The following CEP162 variants were observed in gnomAD, a reference collection of about 807,000 sequenced individuals.
CEP162 encodes centrosomal protein of 162 kDa.
In CEP162, 141 loss-of-function variants were observed where a neutral mutation model predicts 169.2. That is an observed-to-expected ratio of 0.83 (90% CI 0.73 to 0.96). The LOEUF is 0.96. Ranked by LOEUF, CEP162 falls within the 40% of genes least tolerant of loss-of-function variation. CEP162 has a pLI of 0.00. For missense variants in CEP162, 1,600 were observed against 1,587.2 expected (o/e 1.01, Z -0.14); for synonymous variants, 540 against 526.4 (o/e 1.03, Z -0.35).
intron 20 of CEP162, among the ~76,000 whole-genome samples, chr6:84,161,212 A>G (rs139193667): frequency 5.1e-4 from 78 of 152,268 alleles, no homozygotes; most frequent in African/African-American, 1.8e-3. Flanking sequence ...AAAATGAAAT[A>G]ACTTCAGAGT....
intron 24 of CEP162, 105 bp from the exon 25 acceptor site, chr6:84,146,890 G>A (rs1249412571): frequency 4.1e-6 from 2 of 485,292 alleles, no homozygotes; most frequent in Non-Finnish European, 7.2e-6. Context: ...TATACTGTTG[G>A]TGGGAATGTA....
intron 25 of CEP162, among the ~76,000 whole-genome samples, chr6:84,138,404 A>G (rs2099515052): frequency 6.6e-6 from 1 of 152,206 alleles, no homozygotes; most frequent in Non-Finnish European, 1.5e-5. Flanking sequence ...GCTCACACAG[A>G]GGTGGGAATA....
intron 11 of CEP162, among the ~76,000 whole-genome samples, chr6:84,191,943 G>A (rs557663325): frequency 6.6e-6 from 1 of 152,290 alleles, no homozygotes; most frequent in South Asian, 2.1e-4. Context: ...TGAAACTTCT[G>A]TATTAAGGCA....
rs113736890 is a variant in CEP162 at position 84,220,635 on chromosome 6, T to C, written c.172+422A>G. Among the ~76,000 whole-genome samples the C allele has an allele frequency of 6.5e-3, 987 of 152,252 alleles. 7 individuals are homozygous for C. Among genetic ancestry groups the C allele is most frequent in the African/African-American group, 0.023 (938 of 41,546 alleles). On this transcript the variant is annotated intron_variant, in intron 3 of 26. Coordinates refer to ENST00000403245, the MANE Select transcript of CEP162 (RefSeq NM_014895.4). Reference sequence around the variant, plus strand: ...TATACATATATATGAGAGACATATATACATATGGCAGTAAATTTTTTTTTA... The same window carrying C: ...TATACATATATATGAGAGACATATACACATATGGCAGTAAATTTTTTTTTA...
intron 18 of CEP162, among the ~76,000 whole-genome samples, chr6:84,166,942 A>C (rs2099528080): frequency 6.6e-6 from 1 of 152,206 alleles, no homozygotes; most frequent in Non-Finnish European, 1.5e-5. Context: ...TATGTGCACA[A>C]AAAAATTCCC....
intron 25 of CEP162, among the ~76,000 whole-genome samples, chr6:84,137,420 C>T (rs146239654): frequency 1.2e-4 from 18 of 152,114 alleles, no homozygotes; most frequent in African/African-American, 2.4e-4. Context: ...AGAATATTTG[C>T]GACAAATTAC....
intron 21 of CEP162, among the ~76,000 whole-genome samples, chr6:84,156,765 C>CACACACACAA (rs1453100372): frequency 2.6e-5 from 4 of 152,050 alleles, no homozygotes; most frequent in African/African-American, 9.7e-5. Context: ...CACACACACA[C>CACACACACAA]ACACACAAAC....
At chr6:84,188,765 G>A (rs896617989) in intron 11 of CEP162, among the ~76,000 whole-genome samples, 4 of 152,202 alleles carry the variant, frequency 2.6e-5, no homozygotes, top group African/African-American at 7.2e-5. Flanking sequence ...TGAGATTGCC[G>A]GGTGAATAGT....
At chr6:84,156,765 C>CACACACACACAA (rs1453100372) in intron 21 of CEP162, among the ~76,000 whole-genome samples, 4 of 151,934 alleles carry the variant, frequency 2.6e-5, no homozygotes, top group African/African-American at 7.3e-5. Context: ...CACACACACA[C>CACACACACACAA]ACACACAAAC....
At chr6:84,211,975 C>T (rs1196884642) in intron 6 of CEP162, among the ~76,000 whole-genome samples, 1 of 149,704 alleles carries the variant, frequency 6.7e-6, no homozygotes, top group African/African-American at 2.4e-5. Context: ...TAGGAATTAC[C>T]GGAAACTTCT....
intron 1 of CEP162, among the ~76,000 whole-genome samples, chr6:84,226,840 C>T (rs898671303): frequency 2.0e-5 from 3 of 152,140 alleles, no homozygotes; most frequent in Non-Finnish European, 1.5e-5. Context: ...GCAAAGCACA[C>T]GACAGTTTGT....
At chr6:84,195,503 A>G (rs1158299073) in intron 9 of CEP162, among the ~76,000 whole-genome samples, 4 of 152,196 alleles carry the variant, frequency 2.6e-5, no homozygotes, top group East Asian at 1.9e-4. Context: ...TTGCAATCCA[A>G]TGTATTCCAA....
At chr6:84,149,205 C>T (rs554621817) in intron 24 of CEP162, among the ~76,000 whole-genome samples, 1 of 152,130 alleles carries the variant, frequency 6.6e-6, no homozygotes, top group East Asian at 1.9e-4. Flanking sequence ...CTTGGGGACT[C>T]GGTTCAACAT....
intron 18 of CEP162, among the ~76,000 whole-genome samples, chr6:84,167,952 GCTAT>G (rs2099528500): frequency 6.6e-6 from 1 of 152,116 alleles, no homozygotes; most frequent in African/African-American, 2.4e-5. Context: ...TAAACTTACT[GCTAT>G]CTTTTTATCC....
rs764568235 is a variant in CEP162, at chr6:84,186,516, A to T, written c.1217T>A (p.Phe406Tyr). 9 of 1,612,996 alleles carry T rather than the reference A, an allele frequency of 5.6e-6. 1 individual carries two copies. In the South Asian group the frequency reaches 9.9e-5, roughly 18 times the overall value. ...SQDSQHVNLFFDKNDENVILQ... is the reference protein window; with the variant it reads ...SQDSQHVNLFYDKNDENVILQ... Reference sequence around the variant, plus strand: ...AATCACATTCTCATCATTTTTGTCAAAAAAAAGGTTCACATGTTGTGAGTC... The same window carrying T: ...AATCACATTCTCATCATTTTTGTCATAAAAAAGGTTCACATGTTGTGAGTC... Residue 406 changes from phenylalanine to tyrosine, a missense_variant, in exon 12 of 27, where the codon TTT becomes TAT. By Grantham distance (22) the Phe-to-Tyr change is conservative (BLOSUM62 3). Transcript: ENST00000403245.
intron 22 of CEP162, 73 bp from the exon 23 acceptor site, chr6:84,153,252 C>A: frequency 7.3e-7 from 1 of 1,361,938 alleles, no homozygotes; most frequent in South Asian, 1.5e-5. Flanking sequence ...CTGCACACTA[C>A]TGGGTCCTAC....
intron 3 of CEP162, among the ~76,000 whole-genome samples, chr6:84,217,538 G>A (rs1004944992): frequency 3.3e-5 from 5 of 152,164 alleles, no homozygotes; most frequent in Middle Eastern, 3.2e-3. Flanking sequence ...AGTGATACGG[G>A]CATAAGCAAG....
At chr6:84,146,411 A>G (rs2099518883) in intron 25 of CEP162, among the ~76,000 whole-genome samples, 1 of 152,116 alleles carries the variant, frequency 6.6e-6, no homozygotes, top group African/African-American at 2.4e-5. Flanking sequence ...TGTCTCCTGA[A>G]GAAAACAAAC....
intron 18 of CEP162, among the ~76,000 whole-genome samples, chr6:84,165,808 A>G (rs1334783289): frequency 2.0e-5 from 3 of 152,228 alleles, no homozygotes; most frequent in African/African-American, 7.2e-5. Flanking sequence ...AAGCATTTGT[A>G]AAGCATTATA....
Sources: gnomAD v4.1 joint callset for allele counts (sites outside exome capture counted in the v4.1 genomes callset) on GRCh38, gnomAD v4.1.1 for gene constraint, MANE v1.5 for transcripts, NCBI Gene and HGNC (gene_info 2026-07-23, HGNC 2026-07-21) for gene names.